Variants in MCC observed in about 807,000 individuals in gnomAD.
MCC encodes MCC regulator of Wnt signaling pathway.
A neutral mutation model predicts 116.2 loss-of-function variants in MCC; 90 were observed. The observed-to-expected ratio is 0.77, with a 90% CI of 0.65 to 0.92. The LOEUF (loss-of-function observed/expected upper bound fraction) is 0.92, where lower values mean the gene tolerates loss of function less well. Ranked by LOEUF, MCC falls within the 40% of genes least tolerant of loss-of-function variation. The probability of loss-of-function intolerance (pLI) is 0.00; values close to 1 mark genes in which losing one functional copy is unlikely to be tolerated. For missense variants in MCC, 1,516 were observed against 1,312.2 expected, an observed-to-expected ratio of 1.16 and a Z score of -2.40; for synonymous variants, 578 against 510.5, an observed-to-expected ratio of 1.13 and a Z score of -1.78.
intron 9 of MCC, among the ~76,000 whole-genome samples, 155 bp downstream of exon 9, chr5:113,085,009 T>C (rs1755106105): frequency 6.6e-6 from 1 of 152,234 alleles, no homozygotes; most frequent in Non-Finnish European, 1.5e-5. Flanking sequence ...TATCTCTCCT[T>C]GCAGCTCCTG....
At chr5:113,045,024 G>T (rs550694288) in intron 16 of MCC, among the ~76,000 whole-genome samples, 1 of 152,170 alleles carries the variant, frequency 6.6e-6, no homozygotes, top group Non-Finnish European at 1.5e-5. Flanking sequence ...CACCTGGGCC[G>T]CCTTCCACCT....
chr5:113,127,136 A>T (rs1432124546), intron 5 of MCC, among the ~76,000 whole-genome samples: 2 of 152,192 alleles, frequency 1.3e-5, no homozygotes, highest in East Asian at 3.8e-4. Context: ...TAGTTTGCTA[A>T]GGTTAATAGC....
intron 11 of MCC, among the ~76,000 whole-genome samples, chr5:113,074,933 C>T (rs1030895524): frequency 6.6e-6 from 1 of 151,392 alleles, no homozygotes; most frequent in Admixed American, 6.5e-5. Context: ...GGCACCTCGT[C>T]GGCCTCGGTG....
At chr5:113,400,720 A>G (rs565626021) in intron 1 of MCC, among the ~76,000 whole-genome samples, 1 of 152,326 alleles carries the variant, frequency 6.6e-6, no homozygotes, top group African/African-American at 2.4e-5. Flanking sequence ...TGCCTTGTAA[A>G]AGGAAATCTG....
chr5:113,384,470 C>T (rs1769199338), intron 2 of MCC, among the ~76,000 whole-genome samples: 1 of 152,096 alleles, frequency 6.6e-6, no homozygotes, highest in African/African-American at 2.4e-5. Context: ...TGCCTGTAGT[C>T]CCAGCTACTC....
chr5:113,096,022 C>T (rs769744806), intron 8 of MCC, among the ~76,000 whole-genome samples: 8 of 152,140 alleles, frequency 5.3e-5, no homozygotes, highest in Non-Finnish European at 1.2e-4. Flanking sequence ...GTGCCTGTAC[C>T]CTGGTGGACT....
chr5:113,338,001 G>C (rs1284004530), intron 3 of MCC, among the ~76,000 whole-genome samples: 1 of 152,148 alleles, frequency 6.6e-6, no homozygotes, highest in African/African-American at 2.4e-5. Context: ...TCTGACAGAA[G>C]GACTCTAGAG....
chr5:113,363,021 T>C (rs1261973862), intron 2 of MCC, among the ~76,000 whole-genome samples: 2 of 152,288 alleles, frequency 1.3e-5, no homozygotes, highest in East Asian at 3.9e-4. Context: ...GGCTCATGCC[T>C]GTAATCCCAG....
intron 3 of MCC, among the ~76,000 whole-genome samples, chr5:113,151,873 A>G (rs550366822): frequency 7.9e-5 from 12 of 152,154 alleles, no homozygotes; most frequent in South Asian, 4.2e-4. Context: ...AAATTGCTGC[A>G]TATGTGACAG....
intron 3 of MCC, among the ~76,000 whole-genome samples, chr5:113,269,744 T>C (rs1252664198): frequency 6.6e-6 from 1 of 152,152 alleles, no homozygotes; most frequent in Non-Finnish European, 1.5e-5. Context: ...TTCATGGAAA[T>C]GTCAGAGCAG....
chr5:113,230,092 A>C (rs1372724524), intron 3 of MCC, among the ~76,000 whole-genome samples: 1 of 152,236 alleles, frequency 6.6e-6, no homozygotes, highest in African/African-American at 2.4e-5. Flanking sequence ...GAAGATGTTA[A>C]ATAGTGGATT....
chr5:113,066,262 G>A lies in MCC; in HGVS notation c.2029+1818C>T, dbSNP rs1258290219. ...AGGCCTGAACAGGTTAAGACACTCC[G>A]CTGATAACCAACTGGAAATACGATT... On this transcript the variant is annotated intron_variant, in intron 13 of 18. Transcript: ENST00000408903. Among the ~76,000 whole-genome samples, 6 of 152,100 alleles carry A rather than the reference G, an allele frequency of 3.9e-5. No individual in the cohort carries two copies. The East Asian group carries it at 7.7e-4, about 20-fold the overall frequency.
chr5:113,182,438 A>T (rs2150309634), intron 3 of MCC, among the ~76,000 whole-genome samples: 1 of 152,300 alleles, frequency 6.6e-6, no homozygotes, highest in East Asian at 1.9e-4. Flanking sequence ...TCTGTTAGGT[A>T]TGGGAGTAAA....
intron 1 of MCC, among the ~76,000 whole-genome samples, chr5:113,392,886 T>A (rs560546917): frequency 6.6e-6 from 1 of 152,232 alleles, no homozygotes; most frequent in South Asian, 2.1e-4. Context: ...CAAATTGATG[T>A]GGCATCACAT....
chr5:113,294,473 C>A (rs1302668159), intron 3 of MCC: 1 of 1,599,992 alleles, frequency 6.3e-7, no homozygotes, highest in East Asian at 2.2e-5. Flanking sequence ...ACTGCTTGGT[C>A]CCTTCTGCCA....
chr5:113,024,365 C>T lies in MCC; in HGVS notation c.*2937G>A, dbSNP rs1391728352. The T allele has an allele frequency of 2.0e-5, 3 of 152,206 alleles. No homozygotes were observed. Among genetic ancestry groups the T allele is most frequent in the Non-Finnish European group, 4.4e-5 (3 of 68,038 alleles). The allele number at this position is 152,206 out of a possible 1,614,324, so 9.4% of individuals were successfully genotyped here. On this transcript the variant is annotated 3_prime_UTR_variant, in exon 19 of 19. Transcript: ENST00000408903. Reference sequence around the variant, plus strand: ...ATGACAGATTTTTGTAGCTGGTAAGCTCACACTGATGGCACTCGCAACTAC... The same window carrying T: ...ATGACAGATTTTTGTAGCTGGTAAGTTCACACTGATGGCACTCGCAACTAC...
chr5:113,242,982 T>C (rs67063423), intron 3 of MCC, among the ~76,000 whole-genome samples: 24,297 of 152,160 alleles, frequency 0.16, 2,286 homozygotes, highest in Admixed American at 0.29. Context: ...CAATGAGATA[T>C]CATGGAGGGA....
At chr5:113,376,574 T>TATACACACACACACACACACAC (rs10633405) in intron 2 of MCC, among the ~76,000 whole-genome samples, 9 of 145,774 alleles carry the variant, frequency 6.2e-5, no homozygotes, top group African/African-American at 2.3e-4. Context: ...CCATATTTTA[T>TATACACACACACACACACACAC]ACACACACAC....
chr5:113,139,814 C>T (rs1044094257), intron 5 of MCC, among the ~76,000 whole-genome samples: 7 of 152,106 alleles, frequency 4.6e-5, no homozygotes, highest in Non-Finnish European at 7.4e-5. Flanking sequence ...CTTCACCTCC[C>T]AGGTTCAAGC....
Sources: allele counts gnomAD v4.1 joint callset (sites outside exome capture counted in the v4.1 genomes callset), GRCh38; gene constraint gnomAD v4.1.1; transcripts MANE v1.5; gene names NCBI Gene and HGNC (gene_info 2026-07-23, HGNC 2026-07-21).